Variants in LAMA2 observed in about 807,000 individuals in gnomAD.
LAMA2 encodes laminin subunit alpha 2.
In LAMA2, 269 loss-of-function variants were observed where a neutral mutation model predicts 364.8. The ratio of observed to expected loss-of-function variants is 0.74; its 90% CI spans 0.67 to 0.82. LAMA2 has a LOEUF of 0.82. LAMA2 is among the 40% of genes least tolerant of loss of function. The pLI, the probability that LAMA2 is intolerant of heterozygous loss-of-function variation, is 0.00. For missense variants in LAMA2, 3,807 were observed against 3,873.2 expected (o/e 0.98, Z 0.45); for synonymous variants, 1,379 against 1,370.6 (o/e 1.01, Z -0.14).
Position 129,225,316 on chromosome 6 carries a change from T to C in LAMA2, c.1783-24796T>C, listed in dbSNP as rs145279390. On this transcript the variant is annotated intron_variant, in intron 12 of 64. Coordinates refer to ENST00000421865, the MANE Select transcript of LAMA2 (RefSeq NM_000426.4). ...GATTCACTGATTTGTTGAAGGGTTT[T>C]TTGTGACTCTATCTCCTTCAGTTCT... is the stretch of plus-strand genomic sequence containing the variant. Among the ~76,000 whole-genome samples, 181 of 152,328 alleles carry C rather than the reference T, an allele frequency of 1.2e-3. 3 individuals are homozygous for C. Among genetic ancestry groups the C allele is most frequent in the Admixed American group, 2.6e-3 (40 of 15,306 alleles).
intron 32 of LAMA2, among the ~76,000 whole-genome samples, chr6:129,357,018 G>A (rs1207671957): frequency 6.6e-6 from 1 of 151,998 alleles, no homozygotes; most frequent in Non-Finnish European, 1.5e-5. Flanking sequence ...GGTGAGTTCT[G>A]AAGAGATATT....
chr6:129,201,089 C>A (rs1583237068), intron 12 of LAMA2, among the ~76,000 whole-genome samples: 1 of 152,152 alleles, frequency 6.6e-6, no homozygotes, highest in East Asian at 1.9e-4. Flanking sequence ...AAATGTGGAA[C>A]AACAGTTTTT....
chr6:129,265,567 T>C (rs906129852), intron 15 of LAMA2, among the ~76,000 whole-genome samples: 1 of 151,640 alleles, frequency 6.6e-6, no homozygotes, highest in Non-Finnish European at 1.5e-5. Flanking sequence ...AGGCAAAAAA[T>C]GTAATGGGGA....
intron 12 of LAMA2, 126 bp downstream of exon 12, chr6:129,192,979 CT>C: frequency 9.8e-7 from 1 of 1,019,634 alleles, no homozygotes; most frequent in Non-Finnish European, 1.5e-6. Context: ...CCAGAACCAG[CT>C]AAATCACATT....
At chr6:129,180,089 ACTGAAAAGACACTTAATG>A (rs1780842026) in intron 10 of LAMA2, among the ~76,000 whole-genome samples, 1 of 118,124 alleles carries the variant, frequency 8.5e-6, no homozygotes, top group African/African-American at 4.4e-5. Flanking sequence ...GTATTTAAAT[ACTGAAAAGACACTTAATG>A]TAACAGTTCA....
At chr6:129,050,457 C>T (rs1165573140) in intron 2 of LAMA2, among the ~76,000 whole-genome samples, 3 of 152,122 alleles carry the variant, frequency 2.0e-5, no homozygotes, top group Non-Finnish European at 4.4e-5. Context: ...GGTAGGATAT[C>T]GTCTTTGAGC....
intron 4 of LAMA2, among the ~76,000 whole-genome samples, chr6:129,141,531 C>T (rs1245823738): frequency 6.6e-6 from 1 of 151,968 alleles, no homozygotes; most frequent in African/African-American, 2.4e-5. Context: ...TGAGTCTATT[C>T]TTTGTGACAC....
intron 28 of LAMA2, among the ~76,000 whole-genome samples, chr6:129,327,567 C>T (rs1204376383): frequency 4.6e-5 from 7 of 152,310 alleles, no homozygotes; most frequent in Non-Finnish European, 7.3e-5. Context: ...TTTTCATCTT[C>T]GTGCCAGAGC....
intron 1 of LAMA2, among the ~76,000 whole-genome samples, chr6:128,969,195 G>A (rs370404742): frequency 6.6e-6 from 1 of 152,186 alleles, no homozygotes; most frequent in African/African-American, 2.4e-5. Flanking sequence ...GATGACAGAC[G>A]GAAAACCATT....
chr6:129,060,861 T>C (rs1788862590), intron 3 of LAMA2, among the ~76,000 whole-genome samples: 1 of 152,176 alleles, frequency 6.6e-6, no homozygotes, highest in South Asian at 2.1e-4. Flanking sequence ...AGCTGGTGGA[T>C]TGCACGGTAG....
intron 16 of LAMA2, among the ~76,000 whole-genome samples, chr6:129,270,249 T>C (rs1205596911): frequency 6.8e-6 from 1 of 147,900 alleles, no homozygotes; most frequent in African/African-American, 2.6e-5. Context: ...AAACATATGT[T>C]ATTAGTGCTC....
intron 1 of LAMA2, among the ~76,000 whole-genome samples, chr6:128,906,652 T>C (rs1408041003): frequency 6.6e-6 from 1 of 152,102 alleles, no homozygotes; most frequent in African/African-American, 2.4e-5. Flanking sequence ...AGATCCCATT[T>C]GTCCATTTTG....
intron 1 of LAMA2, among the ~76,000 whole-genome samples, chr6:128,927,035 G>T (rs866782908): frequency 6.6e-6 from 1 of 152,204 alleles, no homozygotes; most frequent in Non-Finnish European, 1.5e-5. Context: ...GCTGAGAGCT[G>T]CAGAACATAG....
At chr6:128,943,588 T>G (rs1447154403) in intron 1 of LAMA2, among the ~76,000 whole-genome samples, 1 of 152,180 alleles carries the variant, frequency 6.6e-6, no homozygotes, top group Non-Finnish European at 1.5e-5. Flanking sequence ...CCACCTTGCC[T>G]GACCATCGTC....
At chr6:128,977,601 T>C (rs896530172) in intron 1 of LAMA2, among the ~76,000 whole-genome samples, 1 of 152,174 alleles carries the variant, frequency 6.6e-6, no homozygotes, top group Admixed American at 6.6e-5. Flanking sequence ...TAGATTGTAC[T>C]TACGATAAAT....
intron 7 of LAMA2, among the ~76,000 whole-genome samples, chr6:129,151,759 G>C (rs772991501): frequency 1.3e-5 from 2 of 152,088 alleles, no homozygotes; most frequent in African/African-American, 4.8e-5. Flanking sequence ...ACTATCATGA[G>C]GACAGCATGG....
At position 129,143,964 on chromosome 6, in the gene LAMA2, T is replaced by A; in HGVS notation, c.703T>A (p.Phe235Ile). ...ADDPSPELLE[F>I]TSARYIRLRF... Reference sequence around the variant, plus strand: ...TGATCCTTCTCCAGAACTGCTAGAATTTACCTCCGCTCGCTATATTCGCCT... The same window carrying A: ...TGATCCTTCTCCAGAACTGCTAGAAATTACCTCCGCTCGCTATATTCGCCT... Residue 235 changes from phenylalanine (F) to isoleucine (I), a missense_variant, in exon 5 of 65, where the codon TTT becomes ATT. Transcript: ENST00000421865. The A allele has an allele frequency of 6.2e-7, 1 of 1,612,224 alleles. No homozygotes were observed. The highest frequency in any genetic ancestry group is 8.5e-7 in the Non-Finnish European group (1 of 1,178,686).
chr6:129,433,915 A>T (rs915080445), intron 41 of LAMA2, among the ~76,000 whole-genome samples: 2 of 152,086 alleles, frequency 1.3e-5, no homozygotes, highest in Non-Finnish European at 2.9e-5. Flanking sequence ...CTCCCAGTTT[A>T]TTTCTCATAT....
intron 1 of LAMA2, among the ~76,000 whole-genome samples, chr6:128,960,810 C>T (rs911006591): frequency 4.0e-5 from 6 of 151,716 alleles, no homozygotes; most frequent in African/African-American, 7.3e-5. Flanking sequence ...AATATCTCAT[C>T]CTGTTCTTGT....
Sources: gnomAD v4.1 joint callset for allele counts (sites outside exome capture counted in the v4.1 genomes callset) on GRCh38, gnomAD v4.1.1 for gene constraint, MANE v1.5 for transcripts, NCBI Gene and HGNC (gene_info 2026-07-23, HGNC 2026-07-21) for gene names.